The following ABCC4 variants were observed in gnomAD, a reference collection of about 807,000 sequenced individuals.
ABCC4 encodes the protein ATP binding cassette subfamily C member 4 (PEL blood group).
In ABCC4, 102 loss-of-function variants were observed where a neutral mutation model predicts 168.5. The observed-to-expected ratio is 0.61, with a 90% CI of 0.52 to 0.71. ABCC4 has a LOEUF of 0.71. Ranked by LOEUF, ABCC4 falls within the 30% of genes least tolerant of loss-of-function variation. ABCC4 has a pLI of 0.00. For missense variants in ABCC4, 1,402 were observed against 1,605.8 expected (o/e 0.87, Z 2.17); for synonymous variants, 617 against 590.7 (o/e 1.04, Z -0.65).
chr13:95,296,584 G>C (rs1159494279), intron 1 of ABCC4, among the ~76,000 whole-genome samples: 1 of 152,086 alleles, frequency 6.6e-6, no homozygotes, highest in Non-Finnish European at 1.5e-5. Context: ...GGGGAGCAAG[G>C]ATTTAACCAC....
chr13:95,234,113 T>G (rs1188426962), intron 4 of ABCC4, among the ~76,000 whole-genome samples: 1 of 152,234 alleles, frequency 6.6e-6, no homozygotes, highest in Non-Finnish European at 1.5e-5. Flanking sequence ...ATATATTCTT[T>G]TCTCCTAGAT....
intron 19 of ABCC4, among the ~76,000 whole-genome samples, chr13:95,160,546 A>G (rs2037062857): frequency 6.6e-6 from 1 of 152,226 alleles, no homozygotes; most frequent in Non-Finnish European, 1.5e-5. Context: ...TCTATATGGC[A>G]GGTTCAACAA....
At chr13:95,067,206 T>C (rs541318903) in intron 25 of ABCC4, among the ~76,000 whole-genome samples, 4 of 152,256 alleles carry the variant, frequency 2.6e-5, no homozygotes, top group Middle Eastern at 3.4e-3. Flanking sequence ...GAAGGCTGTA[T>C]GGTGGGATGA....
At chr13:95,203,290 A>G (rs1265739140) in intron 8 of ABCC4, among the ~76,000 whole-genome samples, 1 of 151,670 alleles carries the variant, frequency 6.6e-6, no homozygotes, top group Non-Finnish European at 1.5e-5. Context: ...CACATGGCCC[A>G]AGGAAAGTCC....
chr13:95,226,751 T>A (rs190743084), intron 4 of ABCC4, among the ~76,000 whole-genome samples: 1 of 152,230 alleles, frequency 6.6e-6, no homozygotes, highest in Non-Finnish European at 1.5e-5. Flanking sequence ...CGGGCTCTCC[T>A]GCATATGAGA....
intron 25 of ABCC4, among the ~76,000 whole-genome samples, chr13:95,066,830 G>A (rs1307142561): frequency 3.9e-5 from 6 of 152,180 alleles, no homozygotes; most frequent in Admixed American, 2.6e-4. Context: ...GGGAGACAGC[G>A]GGGAGAAGTG....
chr13:95,213,516 C>T (rs1269072843), intron 4 of ABCC4, among the ~76,000 whole-genome samples: 3 of 152,124 alleles, frequency 2.0e-5, no homozygotes, highest in Non-Finnish European at 4.4e-5. Flanking sequence ...ATAAGCAGGG[C>T]CAGACTCCAT....
At chr13:95,294,701 C>T (rs1286895704) in intron 1 of ABCC4, among the ~76,000 whole-genome samples, 1 of 152,176 alleles carries the variant, frequency 6.6e-6, no homozygotes, top group East Asian at 1.9e-4. Context: ...GCCTGTAATC[C>T]CAGCACTTTG....
intron 18 of ABCC4, chr13:95,161,932 G>A (rs957578463): frequency 6.6e-6 from 1 of 152,062 alleles, no homozygotes; most frequent in South Asian, 2.1e-4. Flanking sequence ...GTTTTACATA[G>A]ACACAAGACA....
chr13:95,126,010 A>G (rs1203134294), intron 19 of ABCC4, among the ~76,000 whole-genome samples: 1 of 152,176 alleles, frequency 6.6e-6, no homozygotes, highest in East Asian at 1.9e-4. Flanking sequence ...TTCGCTTGGA[A>G]ATGCACATGT....
chr13:95,209,804 G>C (rs1410660414), intron 5 of ABCC4, among the ~76,000 whole-genome samples: 3 of 152,236 alleles, frequency 2.0e-5, no homozygotes, highest in African/African-American at 7.2e-5. Context: ...TGGGAGACTC[G>C]CAAGAGAATC....
intron 19 of ABCC4, among the ~76,000 whole-genome samples, chr13:95,124,274 G>A (rs1594135441): frequency 1.3e-5 from 2 of 152,294 alleles, no homozygotes; most frequent in East Asian, 3.9e-4. Context: ...CTCGGCTTCT[G>A]CCTGTGTGTG....
intron 30 of ABCC4, among the ~76,000 whole-genome samples, chr13:95,031,930 GA>G (rs1566357981): frequency 6.6e-6 from 1 of 152,092 alleles, no homozygotes; most frequent in East Asian, 1.9e-4. Context: ...TATAGATAGG[GA>G]CACATCTCTT....
chr13:95,261,213 C>T (rs1221214697), intron 1 of ABCC4, among the ~76,000 whole-genome samples: 1 of 151,880 alleles, frequency 6.6e-6, no homozygotes, highest in South Asian at 2.1e-4. Context: ...TTTGGGAGGC[C>T]GAGGTGGGCA....
At chr13:95,078,086 C>T (rs925771772) in intron 21 of ABCC4, among the ~76,000 whole-genome samples, 9 of 152,264 alleles carry the variant, frequency 5.9e-5, no homozygotes, top group Middle Eastern at 3.4e-3. Context: ...TTTAGGGGCC[C>T]TCTCCTGTGA....
Position 95,099,393 on chromosome 13 carries a change from C to T in ABCC4, c.2536-16103G>A, listed in dbSNP as rs1020524611. 2.3e-4 allele frequency among the ~76,000 whole-genome samples: 35 copies of T among 152,248 alleles called. No homozygotes were observed. In the South Asian group the frequency reaches 3.9e-3, roughly 17 times the overall value. ...GAGACTTCCTGAGGAGATGGAAATGCTCTACATCTTGTTTTAGAGGGTGGA... is the reference window on the plus strand; with the variant it reads ...GAGACTTCCTGAGGAGATGGAAATGTTCTACATCTTGTTTTAGAGGGTGGA... On this transcript the variant is annotated intron_variant, in intron 20 of 30. Transcript: ENST00000645237.
intron 11 of ABCC4, among the ~76,000 whole-genome samples, chr13:95,184,078 G>A (rs958106879): frequency 2.0e-5 from 3 of 152,206 alleles, no homozygotes; most frequent in Admixed American, 6.5e-5. Context: ...CCAAGAAGTC[G>A]CCATGCAGCC....
At chr13:95,183,234 C>A (rs1272171549) in intron 11 of ABCC4, among the ~76,000 whole-genome samples, 1 of 152,150 alleles carries the variant, frequency 6.6e-6, no homozygotes. Context: ...ACATTGCCTG[C>A]AGTCTTTATA....
chr13:95,190,794 G>A (rs990978912), intron 9 of ABCC4, among the ~76,000 whole-genome samples: 8 of 152,196 alleles, frequency 5.3e-5, no homozygotes, highest in Admixed American at 2.6e-4. Context: ...TGAATTTCTC[G>A]TGGATAGATT....
Sources: allele counts gnomAD v4.1 joint callset (sites outside exome capture counted in the v4.1 genomes callset), GRCh38; gene constraint gnomAD v4.1.1; transcripts MANE v1.5; gene names NCBI Gene and HGNC (gene_info 2026-07-23, HGNC 2026-07-21).